Variants in PPARG observed in about 807,000 individuals in gnomAD.
The protein encoded by PPARG is peroxisome proliferator activated receptor gamma.
PPARG carries 17 observed loss-of-function variants against 39.2 expected under a neutral mutation model. The observed-to-expected ratio is 0.43, with a 90% confidence interval of 0.30 to 0.65. PPARG has a LOEUF of 0.65. PPARG is among the 30% of genes least tolerant of loss of function. PPARG has a pLI of 0.13. For synonymous variants in PPARG, 223 were observed against 215.7 expected, an observed-to-expected ratio of 1.03 and a Z score of -0.30; for missense variants, 406 against 585.9, an observed-to-expected ratio of 0.69 and a Z score of 3.17.
chr3:12,345,003 A>G (rs1206384724), intron 2 of PPARG: 1 of 152,090 alleles, frequency 6.6e-6, no homozygotes. Flanking sequence ...AGTTGTTATT[A>G]TTTTCTTCTT....
chr3:12,367,140 G>T (rs2049043597), intron 2 of PPARG, among the ~76,000 whole-genome samples: 1 of 152,090 alleles, frequency 6.6e-6, no homozygotes, highest in Non-Finnish European at 1.5e-5. Context: ...TTCAAGGAAT[G>T]AGTTCATTTC....
chr3:12,368,877 C>A (rs1448633563), intron 2 of PPARG, among the ~76,000 whole-genome samples: 2 of 152,146 alleles, frequency 1.3e-5, no homozygotes, highest in Admixed American at 6.5e-5. Context: ...GATTTTCTTT[C>A]ATTCTACTTG....
intron 5 of PPARG, among the ~76,000 whole-genome samples, chr3:12,403,292 CAA>C (rs35403303): frequency 1.2e-4 from 16 of 136,106 alleles, no homozygotes; most frequent in South Asian, 7.2e-4. Context: ...GACCCTGTCT[CAA>C]AAAAAAAAAA....
rs745949478 is a variant in PPARG, at chr3:12,416,740, G to A, written c.766G>A (p.Gly256Arg). Residue 256 changes from glycine to arginine, a missense_variant, in exon 7 of 8, where the codon GGA (glycine) becomes AGA (arginine). Transcript: ENST00000651735. ...VIYDMNSLMM[G>R]EDKIKFKHIT... ...CTATGACATGAATTCCTTAATGATG[G>A]GAGAAGATAAAATCAAGTTCAAACA... is the stretch of plus-strand genomic sequence containing the variant. The A allele has an allele frequency of 5.0e-6, 8 of 1,613,958 alleles. No individual in the cohort carries two copies. The highest frequency in any genetic ancestry group is 2.7e-5 in the African/African-American group (2 of 75,004).
chr3:12,399,868 T>G (rs76643909), intron 5 of PPARG, among the ~76,000 whole-genome samples: 20,795 of 149,196 alleles, frequency 0.14, 1,613 homozygotes, highest in Admixed American at 0.21. Flanking sequence ...TGTGTGCCTG[T>G]GGGCCCAGCC....
intron 1 of PPARG, among the ~76,000 whole-genome samples, chr3:12,310,791 T>TAAAAAAAAAAAAAAAAAA (rs761238501): frequency 2.0e-5 from 1 of 50,332 alleles, no homozygotes; most frequent in Non-Finnish European, 3.3e-5. Context: ...GCCTTAAATG[T>TAAAAAAAAAAAAAAAAAA]AAAAAAAAAA....
At chr3:12,384,754 TG>T (rs2049811529) in intron 4 of PPARG, among the ~76,000 whole-genome samples, 1 of 152,128 alleles carries the variant, frequency 6.6e-6, no homozygotes, top group Non-Finnish European at 1.5e-5. Context: ...CAGGAGTGTA[TG>T]TGGAGTGTTC....
chr3:12,300,745 T>C (rs961354330), intron 1 of PPARG, among the ~76,000 whole-genome samples: 1 of 152,258 alleles, frequency 6.6e-6, no homozygotes, highest in Non-Finnish European at 1.5e-5. Context: ...GATTATTTGA[T>C]GTCATGTCTG....
At chr3:12,379,032 A>G (rs2049522497) in intron 2 of PPARG, among the ~76,000 whole-genome samples, 1 of 151,334 alleles carries the variant, frequency 6.6e-6, no homozygotes, top group African/African-American at 2.4e-5. Flanking sequence ...TTTGAGGTGG[A>G]GTCTTGCTCT....
At chr3:12,378,383 A>G (rs895458064) in intron 2 of PPARG, among the ~76,000 whole-genome samples, 3 of 152,206 alleles carry the variant, frequency 2.0e-5, no homozygotes, top group African/African-American at 7.2e-5. Context: ...TCAATGGATG[A>G]ATGGATTTTT....
intron 1 of PPARG, among the ~76,000 whole-genome samples, chr3:12,297,544 A>G (rs1487454149): frequency 6.6e-6 from 1 of 151,842 alleles, no homozygotes; most frequent in African/African-American, 2.4e-5. Flanking sequence ...TTTTTTTCCT[A>G]TTATACCCAA....
intron 2 of PPARG, among the ~76,000 whole-genome samples, chr3:12,313,038 A>C (rs1423454814): frequency 6.6e-6 from 1 of 152,192 alleles, no homozygotes; most frequent in Non-Finnish European, 1.5e-5. Context: ...TATCCTTCCG[A>C]GGCCTAACTA....
chr3:12,350,830 A>G (rs1479348161), intron 2 of PPARG, among the ~76,000 whole-genome samples: 1 of 152,192 alleles, frequency 6.6e-6, no homozygotes, highest in Non-Finnish European at 1.5e-5. Flanking sequence ...TGCAGTTGCT[A>G]TTGATGGATA....
intron 4 of PPARG, among the ~76,000 whole-genome samples, chr3:12,387,972 C>G (rs2125198786): frequency 6.6e-6 from 1 of 152,236 alleles, no homozygotes; most frequent in East Asian, 1.9e-4. Flanking sequence ...ACTGAGCGCT[C>G]TGTGAGCCAT....
intron 2 of PPARG, among the ~76,000 whole-genome samples, chr3:12,359,302 A>G (rs1239769126): frequency 1.3e-5 from 2 of 152,210 alleles, no homozygotes; most frequent in Non-Finnish European, 2.9e-5. Flanking sequence ...AAAATGCCAA[A>G]GAAAATAAAA....
intron 7 of PPARG, among the ~76,000 whole-genome samples, chr3:12,419,562 G>A (rs1000573517): frequency 5.9e-5 from 9 of 151,790 alleles, no homozygotes; most frequent in Middle Eastern, 3.4e-3. Flanking sequence ...TCCGCCTCCC[G>A]GGTTCAAGTG....
Position 12,434,060 on chromosome 3 carries a change from T to G in PPARG, c.1343T>G (p.Val448Gly), listed in dbSNP as rs1333944746. The G allele has an allele frequency of 6.2e-7, 1 of 1,614,202 alleles. No homozygotes were observed. Among genetic ancestry groups the G allele is most frequent in the East Asian group, 2.2e-5 (1 of 44,882 alleles). Residue 448 changes from valine to glycine, a missense_variant, in exon 8 of 8, where the codon GTG (valine) becomes GGG (glycine). Coordinates refer to ENST00000651735, the MANE Select transcript of PPARG (RefSeq NM_138711.6). The surrounding 1 kb of genome is among the most constrained non-coding windows in gnomAD (Gnocchi z 4.2). ...CTCAGACAGATTGTCACGGAACACGTGCAGCTACTGCAGGTGATCAAGAAG... is the reference window on the plus strand; with the variant it reads ...CTCAGACAGATTGTCACGGAACACGGGCAGCTACTGCAGGTGATCAAGAAG... ...TDLRQIVTEH[V>G]QLLQVIKKTE...
intron 6 of PPARG, among the ~76,000 whole-genome samples, chr3:12,408,467 A>G (rs928336707): frequency 6.6e-6 from 1 of 152,260 alleles, no homozygotes; most frequent in African/African-American, 2.4e-5. Context: ...AAAATAAGCC[A>G]TTCATATCCA....
chr3:12,431,557 A>G (rs2051660222), intron 7 of PPARG, among the ~76,000 whole-genome samples: 2 of 152,242 alleles, frequency 1.3e-5, no homozygotes, highest in African/African-American at 4.8e-5. Flanking sequence ...CTTGATTAAT[A>G]AAACCAAAAG....
Sources: allele counts gnomAD v4.1 joint callset (sites outside exome capture counted in the v4.1 genomes callset), GRCh38; gene constraint gnomAD v4.1.1; non-coding constraint Gnocchi (gnomAD v3.1); transcripts MANE v1.5; gene names NCBI Gene and HGNC (gene_info 2026-07-23, HGNC 2026-07-21).